SPAG16: variants seen among roughly 807,000 people sequenced by gnomAD.
SPAG16 encodes sperm-associated antigen 16 protein.
In SPAG16, 86 loss-of-function variants were observed where a neutral mutation model predicts 80.4. That is an observed-to-expected ratio of 1.07 (90% CI 0.90 to 1.28). The LOEUF (loss-of-function observed/expected upper bound fraction) is 1.28, where lower values mean the gene tolerates loss of function less well. Ranked by LOEUF, SPAG16 falls within the 50% of genes most tolerant of loss-of-function variation. The pLI is 0.00. For synonymous variants in SPAG16, 294 were observed against 265.9 expected (o/e 1.11, Z -1.03); for missense variants, 870 against 765.3 (o/e 1.14, Z -1.61).
intron 12 of SPAG16, among the ~76,000 whole-genome samples, chr2:213,948,537 G>A (rs1045991217): frequency 1.3e-5 from 2 of 152,024 alleles, no homozygotes; most frequent in African/African-American, 4.8e-5. Flanking sequence ...TTTGCTGGTG[G>A]TTTAGGAATA....
intron 10 of SPAG16, among the ~76,000 whole-genome samples, chr2:213,690,301 G>A (rs934262032): frequency 1.3e-5 from 2 of 152,180 alleles, no homozygotes; most frequent in Admixed American, 1.3e-4. Context: ...TGGAGGCTGG[G>A]AAGTCCAAGG....
intron 11 of SPAG16, among the ~76,000 whole-genome samples, chr2:213,913,607 G>A (rs201403260): frequency 0.014 from 110 of 8,078 alleles, no homozygotes; most frequent in East Asian, 0.045. Context: ...ATATGTACAT[G>A]TACATATATG....
chr2:213,637,164 G>A (rs1400205500), intron 10 of SPAG16, among the ~76,000 whole-genome samples: 1 of 152,122 alleles, frequency 6.6e-6, no homozygotes, highest in Non-Finnish European at 1.5e-5. Flanking sequence ...AAATCATAAA[G>A]GCATGCTGGA....
intron 10 of SPAG16, among the ~76,000 whole-genome samples, chr2:213,744,727 G>A (rs957406392): frequency 6.6e-6 from 1 of 152,138 alleles, no homozygotes; most frequent in East Asian, 1.9e-4. Flanking sequence ...AAGGAAAAAG[G>A]CTGATAACTA....
chr2:213,797,925 C>A (rs2071146747), intron 10 of SPAG16, among the ~76,000 whole-genome samples: 1 of 152,184 alleles, frequency 6.6e-6, no homozygotes, highest in Non-Finnish European at 1.5e-5. Flanking sequence ...TAGCATTTTG[C>A]ATTCCTTTCA....
chr2:213,629,488 A>G (rs1157977775), intron 10 of SPAG16, among the ~76,000 whole-genome samples: 1 of 152,260 alleles, frequency 6.6e-6, no homozygotes, highest in African/African-American at 2.4e-5. Flanking sequence ...ATCCAACACA[A>G]GGAGAGAATC....
chr2:213,554,585 G>A (rs764053626), intron 10 of SPAG16, among the ~76,000 whole-genome samples: 7 of 151,610 alleles, frequency 4.6e-5, no homozygotes, highest in South Asian at 4.2e-4. Context: ...ATGGAAGTTC[G>A]GTGAACTTCA....
chr2:213,490,828 A>C (rs747682660), intron 10 of SPAG16, among the ~76,000 whole-genome samples: 3 of 152,178 alleles, frequency 2.0e-5, no homozygotes, highest in Non-Finnish European at 4.4e-5. Flanking sequence ...TCTTCAAGAA[A>C]TCTAAGACTT....
intron 15 of SPAG16, among the ~76,000 whole-genome samples, chr2:214,178,171 C>G (rs1318328132): frequency 4.9e-5 from 7 of 142,558 alleles, no homozygotes; most frequent in Admixed American, 2.9e-4. Flanking sequence ...CTAAATATAC[C>G]TAACTAGGGT....
At chr2:213,534,814 A>C (rs941878183) in intron 10 of SPAG16, among the ~76,000 whole-genome samples, 4 of 152,110 alleles carry the variant, frequency 2.6e-5, no homozygotes, top group Admixed American at 1.3e-4. Flanking sequence ...TTGTTCCCCC[A>C]AAATTCATAT....
intron 10 of SPAG16, among the ~76,000 whole-genome samples, chr2:213,513,831 G>A (rs2075325078): frequency 6.6e-6 from 1 of 152,132 alleles, no homozygotes; most frequent in Admixed American, 6.6e-5. Context: ...TGAGTTGGCT[G>A]CTTCCTGTGT....
intron 6 of SPAG16, among the ~76,000 whole-genome samples, chr2:213,348,198 A>G (rs2065107866): frequency 6.6e-6 from 1 of 152,082 alleles, no homozygotes; most frequent in South Asian, 2.1e-4. Flanking sequence ...AGAGACTAGG[A>G]TTGCAACCCC....
intron 9 of SPAG16, among the ~76,000 whole-genome samples, chr2:213,419,608 C>A (rs1174463899): frequency 6.6e-6 from 1 of 152,032 alleles, no homozygotes; most frequent in Non-Finnish European, 1.5e-5. Context: ...AAAAAGAACA[C>A]CTTTTTAAAA....
intron 15 of SPAG16, among the ~76,000 whole-genome samples, chr2:214,217,220 T>G (rs1401081094): frequency 1.3e-5 from 2 of 152,234 alleles, no homozygotes; most frequent in African/African-American, 4.8e-5. Flanking sequence ...AAGCATGCAA[T>G]GCTTAGACTT....
chr2:214,159,170 A>G (rs2056339028), intron 15 of SPAG16, among the ~76,000 whole-genome samples: 1 of 151,992 alleles, frequency 6.6e-6, no homozygotes, highest in Admixed American at 6.6e-5. Flanking sequence ...TGAAACATGA[A>G]AAGATGACAT....
intron 15 of SPAG16, among the ~76,000 whole-genome samples, chr2:214,379,627 G>A (rs764330949): frequency 2.0e-5 from 3 of 152,226 alleles, no homozygotes; most frequent in Non-Finnish European, 4.4e-5. Context: ...ATTAGAGATA[G>A]AGGTGAGGAA....
At chr2:213,875,833 G>A (rs573934139) in intron 11 of SPAG16, among the ~76,000 whole-genome samples, 5 of 152,002 alleles carry the variant, frequency 3.3e-5, no homozygotes, top group African/African-American at 7.2e-5. Flanking sequence ...ATTTTATTAC[G>A]GCTGTAAATT....
At chr2:214,047,794 A>T (rs957075351) in intron 13 of SPAG16, among the ~76,000 whole-genome samples, 3 of 152,204 alleles carry the variant, frequency 2.0e-5, no homozygotes, top group Non-Finnish European at 2.9e-5. Flanking sequence ...TACACATCTG[A>T]TAAGGTATTA....
At chr2:213,891,820 G>A (rs565642643) in intron 11 of SPAG16, among the ~76,000 whole-genome samples, 8 of 152,162 alleles carry the variant, frequency 5.3e-5, no homozygotes, top group East Asian at 1.9e-4. Flanking sequence ...CATTCTGCCT[G>A]CCTCCAGGTG....
Sources: gnomAD v4.1 joint callset for allele counts (sites outside exome capture counted in the v4.1 genomes callset) on GRCh38, gnomAD v4.1.1 for gene constraint, MANE v1.5 for transcripts, NCBI Gene and HGNC (gene_info 2026-07-23, HGNC 2026-07-21) for gene names.